Variants in TRRAP observed in about 807,000 individuals in gnomAD.
TRRAP encodes the protein transformation/transcription domain-associated protein.
In TRRAP, 41 loss-of-function variants were observed where a neutral mutation model predicts 438.8. That is an observed-to-expected ratio of 0.09 (90% CI 0.07 to 0.12). TRRAP has a LOEUF of 0.12. Ranked by LOEUF, TRRAP falls within the 10% of genes least tolerant of loss-of-function variation. TRRAP has a pLI of 1.00. For missense variants in TRRAP, 3,122 were observed against 5,055.1 expected (o/e 0.62, Z 11.60); for synonymous variants, 1,994 against 1,962.9 (o/e 1.02, Z -0.42).
At chr7:98,893,904 A>G (rs1796082665) in intron 6 of TRRAP, 23 bp downstream of exon 6, 2 of 1,608,690 alleles carry the variant, frequency 1.2e-6, no homozygotes, top group Non-Finnish European at 1.7e-6. Context: ...AAATCCTTAT[A>G]GCATTTATAA....
At position 98,993,018 on chromosome 7, in the gene TRRAP, C is replaced by G. The variant is rs189659504; in HGVS notation, c.9848-520C>G. 5.3e-4 allele frequency among the ~76,000 whole-genome samples: 80 copies of G among 152,286 alleles called. 1 individual carries two copies. The highest frequency in any genetic ancestry group is 1.8e-3 in the African/African-American group (76 of 41,544). ...TCATTAAAGGCTCTGCAATGTATCT[C>G]ACAGGGAAAAATGACCGTATTTTTC... is the stretch of plus-strand genomic sequence containing the variant. On this transcript the variant is annotated intron_variant, in intron 65 of 72. Transcript: ENST00000456197.
rs560175929 is a variant in TRRAP, at chr7:98,986,182, T to TA, written c.9389+1138_9389+1139insA. 3.8e-3 allele frequency among the ~76,000 whole-genome samples: 574 copies of TA among 152,240 alleles called. 9 individuals are homozygous for TA. The highest frequency in any genetic ancestry group is 0.013 in the African/African-American group (545 of 41,458). ...GATATCCATACATTTTGTTTATCCA[T>TA]GCAGCAGTTGATGGATGTGTGGGTT... On this transcript the variant is annotated intron_variant, in intron 62 of 72. Transcript: ENST00000456197.
At chr7:98,978,737 G>A (rs1442223287) in intron 57 of TRRAP, 32 bp from the exon 58 acceptor site, 2 of 1,613,510 alleles carry the variant, frequency 1.2e-6, no homozygotes, top group African/African-American at 2.7e-5. Context: ...GCTGGTGATT[G>A]AGCTTTTGCT....
chr7:98,979,745 A>G (rs1792827866), intron 58 of TRRAP, among the ~76,000 whole-genome samples: 1 of 152,188 alleles, frequency 6.6e-6, no homozygotes, highest in African/African-American at 2.4e-5. Context: ...CTTCTTTCAT[A>G]GATTCTTGAT....
At chr7:98,984,858 C>G (rs1793085825) in intron 61 of TRRAP, 86 bp from the exon 62 acceptor site, 1 of 804,690 alleles carries the variant, frequency 1.2e-6, no homozygotes, top group Non-Finnish European at 2.0e-6. Context: ...ACTCATAGGA[C>G]TTACTGCCTA....
intron 3 of TRRAP, among the ~76,000 whole-genome samples, chr7:98,883,157 C>T (rs895983452): frequency 8.5e-5 from 13 of 152,162 alleles, no homozygotes; most frequent in African/African-American, 2.4e-4. Context: ...AGACACTTTT[C>T]ATTTTTCTTC....
In TRRAP at chr7:98,931,193, A is replaced by G. The variant is rs141292960; in HGVS notation, c.3592-212A>G. 1.2e-4 allele frequency among the ~76,000 whole-genome samples: 19 copies of G among 152,336 alleles called. 1 individual carries two copies. Among genetic ancestry groups the G allele is most frequent in the East Asian group, 7.7e-4 (4 of 5,178 alleles). On this transcript the variant is annotated intron_variant, in intron 25 of 72. Coordinates refer to ENST00000456197, the MANE Select transcript of TRRAP (RefSeq NM_001375524.1). ...TGGGCATTGCCAGCTTATCTGGTGA[A>G]TGCAGGGGTCACATTTGGATCCACA... is the stretch of plus-strand genomic sequence containing the variant.
At chr7:98,882,164 A>G in intron 3 of TRRAP, 140 bp downstream of exon 3, 1 of 761,180 alleles carries the variant, frequency 1.3e-6, no homozygotes, top group Non-Finnish European at 2.0e-6. Flanking sequence ...TCGAAACTGA[A>G]ATCTGAAACT....
chr7:98,969,050 G>A (rs1313672579), intron 51 of TRRAP, among the ~76,000 whole-genome samples: 1 of 152,184 alleles, frequency 6.6e-6, no homozygotes, highest in Non-Finnish European at 1.5e-5. Context: ...CCCTCACTGC[G>A]GGTGACAGTT....
intron 4 of TRRAP, 42 bp from the exon 5 acceptor site, chr7:98,892,382 G>A: frequency 6.7e-7 from 1 of 1,496,356 alleles, no homozygotes; most frequent in Non-Finnish European, 9.3e-7. Context: ...GGAACCCTTG[G>A]AAGTATTTTT....
At chr7:98,883,930 T>G (rs1554403565) in intron 3 of TRRAP, among the ~76,000 whole-genome samples, 1 of 152,228 alleles carries the variant, frequency 6.6e-6, no homozygotes, top group East Asian at 1.9e-4. Flanking sequence ...GCAGTTCAGT[T>G]ACCAGCTGAT....
At position 98,940,901 on chromosome 7, in the gene TRRAP, C is replaced by T. The variant is rs1173296899; in HGVS notation, c.4405-2048C>T. Among the ~76,000 whole-genome samples the T allele has an allele frequency of 2.0e-5, 3 of 152,170 alleles. No homozygotes were observed. In the South Asian group the frequency reaches 6.2e-4, roughly 32 times the overall value. ...TGGAGCTCTTGTTTTCCCTCATAAG[C>T]CTTCGAGTTTAATAGCTCAAGCCAT... On this transcript the variant is annotated intron_variant, in intron 30 of 72. Coordinates refer to ENST00000456197, the MANE Select transcript of TRRAP (RefSeq NM_001375524.1).
In TRRAP at chr7:98,930,670, G is replaced by A. The variant is rs781806671; in HGVS notation, c.3431G>A (p.Arg1144His). ...CCCCTGTTTTCTTACATCGTGGAGC[G>A]CCTGTGTGCATGTTGTTATGAACAG... ...QLPLFSYIVE[R>H]LCACCYEQAW... Residue 1144 changes from arginine to histidine, a missense_variant, in exon 25 of 73, where the codon CGC becomes CAC. This residue lies in a region of TRRAP where 153 missense variants were observed against 223.0 expected (regional missense o/e 0.69). Coordinates refer to ENST00000456197, the MANE Select transcript of TRRAP (RefSeq NM_001375524.1). 3.1e-6 allele frequency: 5 copies of A among 1,614,092 alleles called. No individual in the cohort carries two copies. Among genetic ancestry groups the A allele is most frequent in the African/African-American group, 1.3e-5 (1 of 75,062 alleles).
Position 98,915,886 on chromosome 7 carries a change from A to C in TRRAP, c.2363A>C (p.Gln788Pro). The C allele has an allele frequency of 6.2e-7, 1 of 1,614,128 alleles. No homozygotes were observed. The highest frequency in any genetic ancestry group is 8.5e-7 in the Non-Finnish European group (1 of 1,179,998). ...EFLPLLPNLL[Q>P]GLNMLQSGLH... ...TTGCCTCTCCTTCCAAACCTCCTGC[A>C]AGGTCAGAGCAGTGACTTTGGTTGC... is the stretch of plus-strand genomic sequence containing the variant. Residue 788 changes from glutamine (Q) to proline (P), a missense_variant and splice_region_variant, in exon 19 of 73, where the codon CAA (glutamine) becomes CCA (proline). Around this residue, in one of 24 missense-constraint regions of TRRAP, gnomAD observed 149 missense variants for 302.8 expected, o/e 0.49. Coordinates refer to ENST00000456197, the MANE Select transcript of TRRAP (RefSeq NM_001375524.1).
At chr7:98,909,553 G>T (rs1378640996) in intron 14 of TRRAP, among the ~76,000 whole-genome samples, 1 of 152,208 alleles carries the variant, frequency 6.6e-6, no homozygotes, top group East Asian at 1.9e-4. Context: ...GTAATTAGGA[G>T]AGTTATTTTC....
At chr7:98,967,371 T>C in intron 50 of TRRAP, 114 bp from the exon 51 acceptor site, 1 of 1,343,118 alleles carries the variant, frequency 7.4e-7, no homozygotes, top group South Asian at 1.3e-5. Context: ...TAACATACTC[T>C]TGGTTTTCAT....
At position 98,976,374 on chromosome 7, in the gene TRRAP, C is replaced by T. The variant is rs74998391; in HGVS notation, c.7959+106C>T. ...AACAAGTTTCAGAAAATGAGGGAAC[C>T]GCTGGCTGTCACTCGAGCGAATTAG... is the stretch of plus-strand genomic sequence containing the variant. On this transcript the variant is annotated intron_variant, in intron 54 of 72. Coordinates refer to ENST00000456197, the MANE Select transcript of TRRAP (RefSeq NM_001375524.1). The surrounding 1 kb of genome is among the most constrained non-coding windows in gnomAD (Gnocchi z 4.6). The T allele has an allele frequency of 1.2e-3, 1,923 of 1,572,584 alleles. 20 individuals carry two copies. In the African/African-American group the frequency reaches 0.022, roughly 18 times the overall value.
At chr7:98,891,895 A>C (rs1170209104) in intron 4 of TRRAP, among the ~76,000 whole-genome samples, 1 of 152,254 alleles carries the variant, frequency 6.6e-6, no homozygotes, top group Non-Finnish European at 1.5e-5. Flanking sequence ...CCAGCTTATT[A>C]GTAAATAAAG....
chr7:98,937,855 C>T, intron 30 of TRRAP, 35 bp downstream of exon 30: 1 of 1,564,962 alleles, frequency 6.4e-7, no homozygotes, highest in Non-Finnish European at 8.6e-7. Flanking sequence ...CTGTAACAAA[C>T]TTTCAAAAAA....
Sources: gnomAD v4.1 joint callset for allele counts (sites outside exome capture counted in the v4.1 genomes callset) on GRCh38, gnomAD v4.1.1 for gene constraint, gnomAD v4.1.1 regional missense constraint, Gnocchi (gnomAD v3.1) non-coding constraint, MANE v1.5 for transcripts, NCBI Gene and HGNC (gene_info 2026-07-23, HGNC 2026-07-21) for gene names.